The following GPC5 variants were observed in gnomAD, a reference collection of about 807,000 sequenced individuals.
The protein encoded by GPC5 is glypican-5.
GPC5 carries 47 observed loss-of-function variants against 53.9 expected under a neutral mutation model. The observed-to-expected ratio is 0.87, with a 90% CI of 0.69 to 1.11. GPC5 has a LOEUF of 1.11. GPC5 is among the 50% of genes most tolerant of loss of function. The probability of loss-of-function intolerance (pLI) is 0.00; values close to 1 mark genes in which losing one functional copy is unlikely to be tolerated. For missense variants in GPC5, 748 were observed against 713.1 expected (o/e 1.05, Z -0.56); for synonymous variants, 286 against 263.3 (o/e 1.09, Z -0.84).
At chr13:92,859,987 TATTC>T (rs1159059790) in intron 7 of GPC5, among the ~76,000 whole-genome samples, 3 of 152,116 alleles carry the variant, frequency 2.0e-5, no homozygotes, top group Admixed American at 2.0e-4. Context: ...GTCTAGTTAT[TATTC>T]ATTATTAGAG....
intron 7 of GPC5, among the ~76,000 whole-genome samples, chr13:92,825,429 A>C (rs1463196949): frequency 6.6e-6 from 1 of 152,170 alleles, no homozygotes; most frequent in African/African-American, 2.4e-5. Context: ...GCATAAAAAA[A>C]TGCAAATGTT....
intron 2 of GPC5, among the ~76,000 whole-genome samples, chr13:91,665,964 C>T (rs1328789587): frequency 1.3e-5 from 2 of 152,212 alleles, no homozygotes; most frequent in Non-Finnish European, 2.9e-5. Context: ...TCAGTGCCAT[C>T]TCATTCTCTA....
At chr13:92,198,825 C>T (rs1008588858) in intron 7 of GPC5, among the ~76,000 whole-genome samples, 18 of 152,050 alleles carry the variant, frequency 1.2e-4, no homozygotes, top group South Asian at 6.2e-4. Flanking sequence ...TCTCAGAAAC[C>T]GAGAAATGGT....
chr13:91,423,560 G>A (rs1407281826), intron 1 of GPC5, among the ~76,000 whole-genome samples: 1 of 152,100 alleles, frequency 6.6e-6, no homozygotes, highest in Non-Finnish European at 1.5e-5. Flanking sequence ...GTAGGATGGT[G>A]GTTACCAGTA....
chr13:92,809,598 T>A (rs55811953), intron 7 of GPC5, among the ~76,000 whole-genome samples: 20,175 of 152,176 alleles, frequency 0.13, 1,732 homozygotes, highest in African/African-American at 0.25. Flanking sequence ...CATTCACATA[T>A]TACTTGTGAT....
At chr13:92,802,448 T>G (rs1192148298) in intron 7 of GPC5, among the ~76,000 whole-genome samples, 1 of 151,860 alleles carries the variant, frequency 6.6e-6, no homozygotes, top group African/African-American at 2.4e-5. Flanking sequence ...CTTTAAGTTC[T>G]AGGGTACATG....
chr13:92,092,148 G>T (rs2041386203), intron 6 of GPC5, among the ~76,000 whole-genome samples: 1 of 152,042 alleles, frequency 6.6e-6, no homozygotes, highest in Non-Finnish European at 1.5e-5. Context: ...TTTATTTCCT[G>T]AAAAACAGCT....
intron 7 of GPC5, among the ~76,000 whole-genome samples, chr13:92,239,550 GA>G (rs1161470586): frequency 4.3e-4 from 65 of 151,776 alleles, no homozygotes; most frequent in African/African-American, 1.5e-3. Context: ...TATTTTCTAA[GA>G]AATATAAATT....
chr13:92,800,948 C>T (rs1015653255), intron 7 of GPC5, among the ~76,000 whole-genome samples: 1 of 150,936 alleles, frequency 6.6e-6, no homozygotes, highest in African/African-American at 2.4e-5. Flanking sequence ...ACAGATATTA[C>T]AAACAAGAAT....
intron 5 of GPC5, among the ~76,000 whole-genome samples, chr13:91,812,165 G>A (rs2038322440): frequency 6.6e-6 from 1 of 152,170 alleles, no homozygotes; most frequent in South Asian, 2.1e-4. Context: ...CATTAACTAA[G>A]ATGAAATTAG....
At chr13:92,652,706 T>C (rs1885996609) in intron 7 of GPC5, among the ~76,000 whole-genome samples, 2 of 152,198 alleles carry the variant, frequency 1.3e-5, no homozygotes, top group Non-Finnish European at 2.9e-5. Context: ...ACATAATACA[T>C]TTTAATAAAT....
rs554385987 is a variant in GPC5 at position 92,520,688 on chromosome 13, C to A, written c.1562-345594C>A. Among the ~76,000 whole-genome samples, 11 of 152,106 alleles carry A rather than the reference C, an allele frequency of 7.2e-5. No homozygotes were observed. The East Asian group carries it at 1.4e-3, about 19-fold the overall frequency. On this transcript the variant is annotated intron_variant, in intron 7 of 7. Transcript: ENST00000377067. ...CAGCCAGTATCATACTGAATGGGCA[C>A]AAACTGGAAGCATTCCCTTGGAAAA...
chr13:92,133,781 A>G (rs1472519355), intron 6 of GPC5, among the ~76,000 whole-genome samples: 2 of 152,184 alleles, frequency 1.3e-5, no homozygotes, highest in Non-Finnish European at 2.9e-5. Flanking sequence ...GGGGTCATAA[A>G]GCGAAAAGGC....
intron 7 of GPC5, among the ~76,000 whole-genome samples, chr13:92,182,792 C>G (rs1367020890): frequency 6.6e-6 from 1 of 151,924 alleles, no homozygotes; most frequent in African/African-American, 2.4e-5. Context: ...TGGCGTGAAC[C>G]CGGCAGGCAG....
At chr13:91,687,068 A>G (rs971183593) in intron 2 of GPC5, among the ~76,000 whole-genome samples, 2 of 152,034 alleles carry the variant, frequency 1.3e-5, no homozygotes, top group Non-Finnish European at 2.9e-5. Flanking sequence ...ACATTCATAT[A>G]TCAAAAATAA....
At chr13:92,160,633 C>T (rs1270415201) in intron 7 of GPC5, among the ~76,000 whole-genome samples, 1 of 152,080 alleles carries the variant, frequency 6.6e-6, no homozygotes, top group East Asian at 1.9e-4. Flanking sequence ...GTCTGGTTCA[C>T]CCGGGTTGAT....
chr13:92,109,077 T>TG (rs1480559097), intron 6 of GPC5, among the ~76,000 whole-genome samples: 45 of 146,636 alleles, frequency 3.1e-4, no homozygotes, highest in Non-Finnish European at 6.2e-4. Context: ...TTTTTTTTTT[T>TG]TTTTTTTGAG....
intron 7 of GPC5, among the ~76,000 whole-genome samples, chr13:92,611,749 T>C (rs1884443861): frequency 6.6e-6 from 1 of 152,138 alleles, no homozygotes; most frequent in African/African-American, 2.4e-5. Flanking sequence ...ATTCTCTCTT[T>C]TCTTTTAAAA....
chr13:91,843,120 A>T (rs1489778328), intron 5 of GPC5, among the ~76,000 whole-genome samples: 1 of 152,138 alleles, frequency 6.6e-6, no homozygotes, highest in Non-Finnish European at 1.5e-5. Context: ...TGTATTCTAA[A>T]CTTTTGCTGA....
Sources: gnomAD v4.1 joint callset for allele counts (sites outside exome capture counted in the v4.1 genomes callset) on GRCh38, gnomAD v4.1.1 for gene constraint, MANE v1.5 for transcripts, NCBI Gene and HGNC (gene_info 2026-07-23, HGNC 2026-07-21) for gene names.